The following OPCML variants were observed in gnomAD, a reference collection of about 807,000 sequenced individuals.
OPCML encodes the protein opioid-binding protein/cell adhesion molecule.
Under a neutral mutation model 37.8 loss-of-function variants are expected in OPCML, and 13 were observed. That is an observed-to-expected ratio of 0.34 (90% CI 0.22 to 0.55). The LOEUF (loss-of-function observed/expected upper bound fraction) is 0.55, where lower values mean the gene tolerates loss of function less well. Ranked by LOEUF, OPCML falls within the 20% of genes least tolerant of loss-of-function variation. OPCML has a pLI of 0.91. For missense variants in OPCML, 341 were observed against 435.6 expected (o/e 0.78, Z 1.93); for synonymous variants, 176 against 168.8 (o/e 1.04, Z -0.33).
intron 7 of OPCML, among the ~76,000 whole-genome samples, chr11:132,428,217 G>A (rs371022408): frequency 1.3e-5 from 2 of 152,204 alleles, no homozygotes; most frequent in South Asian, 2.1e-4. Context: ...GCAAGGGAAA[G>A]TCAGAAAAAT....
chr11:132,672,459 G>C (rs2135820951), intron 2 of OPCML, among the ~76,000 whole-genome samples: 1 of 152,282 alleles, frequency 6.6e-6, no homozygotes, highest in South Asian at 2.1e-4. Flanking sequence ...CCTTCATTAA[G>C]CACTGAAGTA....
At chr11:133,182,807 C>T (rs931573963) in intron 1 of OPCML, among the ~76,000 whole-genome samples, 5 of 151,988 alleles carry the variant, frequency 3.3e-5, no homozygotes, top group African/African-American at 1.2e-4. Context: ...GGTGCTGAAG[C>T]GAAAGGATGT....
At chr11:133,162,200 G>C (rs1217704947) in intron 1 of OPCML, among the ~76,000 whole-genome samples, 1 of 152,096 alleles carries the variant, frequency 6.6e-6, no homozygotes, top group African/African-American at 2.4e-5. Flanking sequence ...AGATGAGAAA[G>C]AGAGGGAGAG....
In OPCML at chr11:133,169,370, TAAAC is replaced by T. The variant is rs569646517; in HGVS notation, c.62-226364_62-226361del. On this transcript the variant is annotated intron_variant, in intron 1 of 7. Coordinates refer to ENST00000524381, the MANE Select transcript of OPCML (RefSeq NM_001012393.5). ...ATGATCCTTTACTGAGTTAAAAAAT[TAAAC>T]AAAAATAAATAGCATGCACAGATGA... Among the ~76,000 whole-genome samples the T allele has an allele frequency of 1.6e-3, 243 of 152,234 alleles. 1 individual carries two copies. Among genetic ancestry groups the T allele is most frequent in the African/African-American group, 5.7e-3 (237 of 41,548 alleles).
intron 1 of OPCML, chr11:133,026,071 C>T (rs1268241522): frequency 2.1e-5 from 21 of 985,156 alleles, no homozygotes; most frequent in Non-Finnish European, 2.4e-5. Flanking sequence ...TTTCTCTCAT[C>T]ATGACTTGAT....
At chr11:133,160,023 C>T (rs1950119880) in intron 1 of OPCML, among the ~76,000 whole-genome samples, 1 of 152,250 alleles carries the variant, frequency 6.6e-6, no homozygotes, top group African/African-American at 2.4e-5. Context: ...GGAACGCAGA[C>T]ACTGGCTTAA....
At chr11:132,931,415 C>T (rs1477473550) in intron 2 of OPCML, among the ~76,000 whole-genome samples, 1 of 152,072 alleles carries the variant, frequency 6.6e-6, no homozygotes, top group Admixed American at 6.5e-5. Context: ...ATTTGTGAGT[C>T]ATATATCTGA....
At chr11:132,802,948 A>G (rs1013596110) in intron 2 of OPCML, among the ~76,000 whole-genome samples, 37 of 152,204 alleles carry the variant, frequency 2.4e-4, no homozygotes, top group African/African-American at 8.7e-4. Flanking sequence ...ACTTAGAATT[A>G]AAGGTAGAAA....
rs776207806 is a variant in OPCML at position 132,436,791 on chromosome 11, A to G, written c.644-12T>C. 4 of 1,606,606 alleles carry G rather than the reference A, an allele frequency of 2.5e-6. No homozygotes were observed. The East Asian group carries it at 9.0e-5, about 36-fold the overall frequency. On this transcript the variant is annotated splice_polypyrimidine_tract_variant and intron_variant, in intron 5 of 7. Coordinates refer to ENST00000524381, the MANE Select transcript of OPCML (RefSeq NM_001012393.5). ...GATATAGGGAGGATCTGTGGGAAACACACACACACACATGCACAGGCATGC... is the reference window on the plus strand; with the variant it reads ...GATATAGGGAGGATCTGTGGGAAACGCACACACACACATGCACAGGCATGC...
intron 1 of OPCML, among the ~76,000 whole-genome samples, chr11:133,358,957 TG>T (rs983370933): frequency 6.8e-6 from 1 of 146,568 alleles, no homozygotes; most frequent in African/African-American, 2.5e-5. Flanking sequence ...TGTGTGTAGG[TG>T]GGGGGACCAG....
At chr11:133,249,314 G>A (rs563415772) in intron 1 of OPCML, among the ~76,000 whole-genome samples, 1 of 152,206 alleles carries the variant, frequency 6.6e-6, no homozygotes, top group South Asian at 2.1e-4. Context: ...GAAAGGGGAG[G>A]AGGTGCCAGG....
chr11:132,587,707 G>T (rs1478571715), intron 3 of OPCML, among the ~76,000 whole-genome samples: 1 of 152,186 alleles, frequency 6.6e-6, no homozygotes, highest in Admixed American at 6.5e-5. Context: ...AGAATTCCAT[G>T]ATTCTACCAC....
intron 1 of OPCML, among the ~76,000 whole-genome samples, chr11:133,076,666 T>C: frequency 6.6e-6 from 1 of 151,372 alleles, no homozygotes; most frequent in African/African-American, 2.4e-5. Flanking sequence ...ACCCCCCGCA[T>C]AGAATCATGT....
chr11:133,085,487 A>G (rs1201346745), intron 1 of OPCML, among the ~76,000 whole-genome samples: 2 of 152,244 alleles, frequency 1.3e-5, no homozygotes, highest in African/African-American at 2.4e-5. Flanking sequence ...CCCAGCACAT[A>G]GAGCAAAAAC....
chr11:132,719,223 T>G (rs11223186), intron 2 of OPCML, among the ~76,000 whole-genome samples: 34,902 of 152,072 alleles, frequency 0.23, 4,609 homozygotes, highest in South Asian at 0.31. Flanking sequence ...CTTCCGCGTT[T>G]TCGTTTGGGG....
Position 132,601,088 on chromosome 11 carries a change from T to G in OPCML, c.379+55999A>C, listed in dbSNP as rs575195480. On this transcript the variant is annotated intron_variant, in intron 3 of 7. Coordinates refer to ENST00000524381, the MANE Select transcript of OPCML (RefSeq NM_001012393.5). ...AGGGAATTAAATAATAACTGTCAAG[T>G]TGAACAGAAGAACTGACTGTAAAAT... Among the ~76,000 whole-genome samples, 10 of 152,236 alleles carry G rather than the reference T, an allele frequency of 6.6e-5. No individual in the cohort carries two copies. In the South Asian group the frequency reaches 2.1e-3, roughly 32 times the overall value.
chr11:132,759,515 G>A (rs569919946), intron 2 of OPCML, among the ~76,000 whole-genome samples: 24 of 151,986 alleles, frequency 1.6e-4, no homozygotes, highest in Admixed American at 9.8e-4. Flanking sequence ...GATTACTTCC[G>A]GGATTAGTCT....
intron 2 of OPCML, 69 bp downstream of exon 2, chr11:132,942,857 C>T: frequency 1.3e-6 from 2 of 1,593,994 alleles, no homozygotes; most frequent in Non-Finnish European, 1.7e-6. Flanking sequence ...GCCTTCTGCC[C>T]CCTCTTCCCT....
chr11:133,258,554 G>A (rs745766074), intron 1 of OPCML, among the ~76,000 whole-genome samples: 2 of 152,170 alleles, frequency 1.3e-5, no homozygotes, highest in Non-Finnish European at 2.9e-5. Context: ...AGCTTCTACA[G>A]GAGGTTTTCC....
Sources: allele counts gnomAD v4.1 joint callset (sites outside exome capture counted in the v4.1 genomes callset), GRCh38; gene constraint gnomAD v4.1.1; transcripts MANE v1.5; gene names NCBI Gene and HGNC (gene_info 2026-07-23, HGNC 2026-07-21).